Variants in PGM5 observed in about 807,000 individuals in gnomAD.
The protein encoded by PGM5 is phosphoglucomutase 5, also known as phosphoglucomutase-like protein 5.
Under a neutral mutation model 59.2 loss-of-function variants are expected in PGM5, and 23 were observed. That is an observed-to-expected ratio of 0.39 (90% CI 0.28 to 0.55). PGM5 has a LOEUF of 0.55. Among genes scored for constraint, PGM5 ranks in the 20% least tolerant of loss-of-function variants. The pLI is 0.66. For missense variants in PGM5, 574 were observed against 748.3 expected, an observed-to-expected ratio of 0.77 and a Z score of 2.72; for synonymous variants, 214 against 286.0, an observed-to-expected ratio of 0.75 and a Z score of 2.54.
chr9:68,438,181 C>T (rs535087707), intron 6 of PGM5, among the ~76,000 whole-genome samples: 9 of 148,292 alleles, frequency 6.1e-5, no homozygotes, highest in African/African-American at 2.2e-4. Context: ...CCCAGCTACT[C>T]GGGAGGCTGA....
chr9:68,415,903 T>G (rs1435093961), intron 6 of PGM5, among the ~76,000 whole-genome samples: 31 of 149,854 alleles, frequency 2.1e-4, no homozygotes, highest in Non-Finnish European at 2.7e-4. Flanking sequence ...TTGAAATTAA[T>G]TGAATTAATC....
intron 10 of PGM5, among the ~76,000 whole-genome samples, chr9:68,521,917 C>A (rs531479063): frequency 1.3e-5 from 2 of 152,296 alleles, no homozygotes; most frequent in South Asian, 2.1e-4. Context: ...CTCTCCCCTT[C>A]TCCATCCACA....
At chr9:68,507,350 T>C (rs1564025032) in intron 10 of PGM5, among the ~76,000 whole-genome samples, 1 of 152,150 alleles carries the variant, frequency 6.6e-6, no homozygotes, top group South Asian at 2.1e-4. Flanking sequence ...AACTAATGAA[T>C]ATGTAATTTG....
intron 1 of PGM5, among the ~76,000 whole-genome samples, chr9:68,377,008 C>G (rs1480333710): frequency 4.0e-5 from 6 of 151,670 alleles, no homozygotes; most frequent in African/African-American, 7.3e-5. Context: ...CTCACTGCAA[C>G]CTCTGCCTCC....
intron 6 of PGM5, among the ~76,000 whole-genome samples, chr9:68,409,967 C>T (rs1822898134): frequency 6.6e-6 from 1 of 151,992 alleles, no homozygotes; most frequent in African/African-American, 2.4e-5. Flanking sequence ...CTTCTCAGGG[C>T]CTCGCTTTCC....
intron 9 of PGM5, among the ~76,000 whole-genome samples, chr9:68,493,691 G>C (rs1274214589): frequency 2.0e-5 from 3 of 152,192 alleles, no homozygotes; most frequent in Non-Finnish European, 4.4e-5. Context: ...GAGAGCTTAA[G>C]TGACTCAAGA....
In PGM5 at chr9:68,468,176, T is replaced by A. The variant is rs116067693; in HGVS notation, c.1159+2968T>A. Among the ~76,000 whole-genome samples, 669 of 151,338 alleles carry A rather than the reference T, an allele frequency of 4.4e-3. 6 individuals carry two copies. Among genetic ancestry groups the A allele is most frequent in the African/African-American group, 0.015 (593 of 40,704 alleles). ...TAATTGTCGTTTCTGCTCCTCTCCT[T>A]CCTCCCACCCTACTCCTCAAGAAGA... On this transcript the variant is annotated intron_variant, in intron 7 of 10. Coordinates refer to ENST00000396396, the MANE Select transcript of PGM5 (RefSeq NM_021965.4).
At chr9:68,473,521 C>G (rs1237719008) in intron 7 of PGM5, among the ~76,000 whole-genome samples, 2 of 152,146 alleles carry the variant, frequency 1.3e-5, no homozygotes, top group African/African-American at 4.8e-5. Context: ...TAAGCTCAAT[C>G]TCTTATTTGT....
intron 6 of PGM5, among the ~76,000 whole-genome samples, chr9:68,454,508 A>G (rs1554684637): frequency 6.6e-6 from 1 of 152,240 alleles, no homozygotes; most frequent in African/African-American, 2.4e-5. Context: ...TGGCAGGATG[A>G]TGCCGCAGTA....
chr9:68,516,573 C>T (rs895116794), intron 10 of PGM5, among the ~76,000 whole-genome samples: 2 of 152,208 alleles, frequency 1.3e-5, no homozygotes, highest in Admixed American at 6.5e-5. Flanking sequence ...GTGAACCTCA[C>T]CATGGGTGGG....
intron 1 of PGM5, among the ~76,000 whole-genome samples, chr9:68,359,079 A>G (rs1387725328): frequency 6.6e-6 from 1 of 152,094 alleles, no homozygotes; most frequent in Non-Finnish European, 1.5e-5. Flanking sequence ...CCTGTCCAAT[A>G]CTTGTTGTGG....
chr9:68,373,232 T>A (rs1411029265), intron 1 of PGM5, among the ~76,000 whole-genome samples: 3 of 144,594 alleles, frequency 2.1e-5, no homozygotes, highest in South Asian at 2.3e-4. Flanking sequence ...CCCATCACCC[T>A]CTCTTTCACA....
At chr9:68,490,806 C>G (rs10465187) in intron 9 of PGM5, among the ~76,000 whole-genome samples, 25,232 of 152,144 alleles carry the variant, frequency 0.17, 2,233 homozygotes, top group African/African-American at 0.21. Flanking sequence ...TTTAGTCACA[C>G]TGATTAACCC....
At chr9:68,386,584 G>A (rs1822224196) in intron 3 of PGM5, among the ~76,000 whole-genome samples, 1 of 152,092 alleles carries the variant, frequency 6.6e-6, no homozygotes, top group Non-Finnish European at 1.5e-5. Context: ...AAGTATTTCA[G>A]GGTTTCAAAG....
chr9:68,381,820 T>C lies in PGM5; in HGVS notation c.425-2578T>C, dbSNP rs547488856. Among the ~76,000 whole-genome samples, 14 of 151,836 alleles carry C rather than the reference T, an allele frequency of 9.2e-5. No individual in the cohort carries two copies. The South Asian group carries it at 2.7e-3, about 29-fold the overall frequency. ...TTTATGATAGCATCAAAAAAATACT[T>C]AGGAATAAATTTAACCAAGGGGTGA... is the stretch of plus-strand genomic sequence containing the variant. On this transcript the variant is annotated intron_variant, in intron 2 of 10. Coordinates refer to ENST00000396396, the MANE Select transcript of PGM5 (RefSeq NM_021965.4).
intron 7 of PGM5, among the ~76,000 whole-genome samples, chr9:68,472,731 AG>A (rs1824041857): frequency 6.6e-6 from 1 of 152,226 alleles, no homozygotes. Flanking sequence ...TTTCAGACAC[AG>A]GCCCTTCCCT....
Position 68,457,749 on chromosome 9 carries a change from A to G in PGM5, c.1044-7344A>G, listed in dbSNP as rs553553599. ...TGTCATGTCAGTAATTATCACTTTT[A>G]GTTTATAGGAGTGAATGAACTGATT... is the stretch of plus-strand genomic sequence containing the variant. On this transcript the variant is annotated intron_variant, in intron 6 of 10. Transcript: ENST00000396396. Among the ~76,000 whole-genome samples the G allele has an allele frequency of 3.3e-5, 5 of 152,316 alleles. No individual in the cohort carries two copies. In the South Asian group the frequency reaches 1.0e-3, roughly 32 times the overall value.
chr9:68,382,730 A>G (rs1554678436), intron 2 of PGM5, among the ~76,000 whole-genome samples: 1 of 151,812 alleles, frequency 6.6e-6, no homozygotes, highest in Non-Finnish European at 1.5e-5. Context: ...GGAGTGGAAG[A>G]TATCAGGGAG....
At chr9:68,467,910 T>C (rs947260784) in intron 7 of PGM5, among the ~76,000 whole-genome samples, 3 of 152,052 alleles carry the variant, frequency 2.0e-5, no homozygotes, top group Non-Finnish European at 4.4e-5. Context: ...TTGTAGTGGA[T>C]TTTTTTTCCA....
Sources: allele counts gnomAD v4.1 joint callset (sites outside exome capture counted in the v4.1 genomes callset), GRCh38; gene constraint gnomAD v4.1.1; transcripts MANE v1.5; gene names NCBI Gene and HGNC (gene_info 2026-07-23, HGNC 2026-07-21).